RINT1: variants seen among roughly 807,000 people sequenced by gnomAD.
The protein encoded by RINT1 is RAD50-interacting protein 1.
A neutral mutation model predicts 97.7 loss-of-function variants in RINT1; 75 were observed. That is an observed-to-expected ratio of 0.77 (90% CI 0.64 to 0.93). The LOEUF (loss-of-function observed/expected upper bound fraction) is 0.93, where lower values mean the gene tolerates loss of function less well. RINT1 is among the 40% of genes least tolerant of loss of function. RINT1 has a pLI of 0.00. For synonymous variants in RINT1, 303 were observed against 326.3 expected (o/e 0.93, Z 0.77); for missense variants, 892 against 925.2 (o/e 0.96, Z 0.47).
intron 7 of RINT1, 82 bp from the exon 8 acceptor site, chr7:105,549,973 T>C: frequency 2.4e-6 from 2 of 849,468 alleles, no homozygotes; most frequent in Non-Finnish European, 1.9e-6. Context: ...GTGTTGTGCA[T>C]ATACAATTAA....
chr7:105,567,422 G>GAA lies in RINT1; in HGVS notation c.*112_*113dup. 1.3e-6 allele frequency: 1 copy of GAA among 782,422 alleles called. No homozygotes were observed. Among genetic ancestry groups the GAA allele is most frequent in the Non-Finnish European group, 2.2e-6 (1 of 462,920 alleles). 48.5% of individuals were successfully genotyped at this position (782,422 alleles called of 1,614,324 possible). A position where few individuals can be genotyped will look rare whatever the true frequency, so the allele number is the denominator to read the frequency against. On this transcript the variant is annotated 3_prime_UTR_variant, in exon 15 of 15. Transcript: ENST00000257700. ...ATTAATGAAACTGGAAAACTTTATAGAATTACTTATTATCTTGGATTTATG... is the reference window on the plus strand; with the variant it reads ...ATTAATGAAACTGGAAAACTTTATAGAAAATTACTTATTATCTTGGATTTATG...
Position 105,555,141 on chromosome 7 carries a change from A to C in RINT1, c.1585A>C (p.Arg529=), listed in dbSNP as rs1018708460. Residue 529 remains arginine (R), a synonymous_variant, in exon 11 of 15, where the codon AGA becomes CGA. Transcript: ENST00000257700. The stretch of plus-strand genomic sequence containing the variant: ...AACACAAGTGATGAAAGAAGAGACT[A>C]GAGCTTCCCTTGGCTTTCGATACTG... The part of the protein sequence containing the change: ...RLTQVMKEET[R]ASLGFRYCAI... The C allele has an allele frequency of 8.1e-6, 13 of 1,613,344 alleles. No individual in the cohort carries two copies. Among genetic ancestry groups the C allele is most frequent in the Admixed American group, 1.7e-5 (1 of 60,006 alleles).
rs759423587 is a variant in RINT1 at position 105,563,799 on chromosome 7, C to T, written c.1738C>T (p.Gln580Ter). The change falls in exon 12 of 15, where the codon CAG becomes TAG. Residue 580 changes from glutamine (Q) to a stop codon, truncating the protein, a stop_gained. Coordinates refer to ENST00000257700, the MANE Select transcript of RINT1 (RefSeq NM_021930.6). LOFTEE classifies it high-confidence loss of function. ...FAENNTLSKL[Q>*]LGQLASMESS... is the part of the protein sequence containing the mutation. Reference sequence around the variant, plus strand: ...AGAGAATAATACTCTGAGTAAATTGCAGCTAGGACAGCTAGCCTCTATGGA... The same window carrying T: ...AGAGAATAATACTCTGAGTAAATTGTAGCTAGGACAGCTAGCCTCTATGGA... The T allele has an allele frequency of 1.2e-6, 2 of 1,614,128 alleles. No individual in the cohort carries two copies. Among genetic ancestry groups the T allele is most frequent in the Non-Finnish European group, 1.7e-6 (2 of 1,179,990 alleles).
At position 105,563,748 on chromosome 7, in the gene RINT1, C is replaced by T; in HGVS notation, c.1687C>T (p.Gln563Ter). 1 of 1,613,024 alleles carries T rather than the reference C, an allele frequency of 6.2e-7. No individual in the cohort carries two copies. Among genetic ancestry groups the T allele is most frequent in the Non-Finnish European group, 8.5e-7 (1 of 1,179,502 alleles). The change falls in exon 12 of 15, where the codon CAA becomes TAA. Residue 563 changes from glutamine (Q) to a stop codon, truncating the protein, a stop_gained. Coordinates refer to ENST00000257700, the MANE Select transcript of RINT1 (RefSeq NM_021930.6). LOFTEE classifies it high-confidence loss of function. ...TTGCTTTCAGTTCTTTCTACAACTT[C>T]AACAGGCTGCACTGGAGGTGTTTGC... ...WADNVFFLQL[Q>*]QAALEVFAEN...
chr7:105,556,421 A>G (rs1001070473), intron 11 of RINT1, among the ~76,000 whole-genome samples: 5 of 151,748 alleles, frequency 3.3e-5, no homozygotes, highest in African/African-American at 1.2e-4. Flanking sequence ...CTGCCCCCCA[A>G]TACTTGATTA....
In RINT1 at chr7:105,567,155, C is replaced by T. The variant is rs200305797; in HGVS notation, c.2223C>T (p.Val741=). The change falls in exon 15 of 15, where the codon GTC becomes GTT. Residue 741 remains valine, a synonymous_variant. Transcript: ENST00000257700. ...CCTGTATTGTTTTGAATTTGAACGTCGGTTCTGCACTACTGCTGAAAGATG... is the reference window on the plus strand; with the variant it reads ...CCTGTATTGTTTTGAATTTGAACGTTGGTTCTGCACTACTGCTGAAAGATG... The part of the protein sequence containing the change: ...KEACIVLNLN[V]GSALLLKDVL... The T allele has an allele frequency of 3.8e-6, 6 of 1,584,924 alleles. No individual in the cohort carries two copies. Among genetic ancestry groups the T allele is most frequent in the Admixed American group, 1.9e-5 (1 of 51,614 alleles).
At chr7:105,538,234 G>T (rs1283241513) in intron 3 of RINT1, among the ~76,000 whole-genome samples, 1 of 152,040 alleles carries the variant, frequency 6.6e-6, no homozygotes, top group African/African-American at 2.4e-5. Flanking sequence ...CTCGTGATCC[G>T]CCTGCCTTGG....
At position 105,565,605 on chromosome 7, in the gene RINT1, T is replaced by C. The variant is rs566796840; in HGVS notation, c.2143T>C (p.Leu715=). Residue 715 remains leucine, a synonymous_variant, in exon 14 of 15, where the codon TTG becomes CTG. Coordinates refer to ENST00000257700, the MANE Select transcript of RINT1 (RefSeq NM_021930.6). ...QFDMTRNLFP[L]FSHYCKRPEN... ...TGATATGACTCGGAATCTTTTCCCTTTGTTTTCTCACTATTGCAAGAGACC... is the reference window on the plus strand; with the variant it reads ...TGATATGACTCGGAATCTTTTCCCTCTGTTTTCTCACTATTGCAAGAGACC... 2.9e-5 allele frequency: 46 copies of C among 1,613,846 alleles called. No homozygotes were observed. The South Asian group carries it at 4.7e-4, about 17-fold the overall frequency.
At chr7:105,538,024 ACT>A (rs1037647738) in intron 3 of RINT1, among the ~76,000 whole-genome samples, 5 of 151,584 alleles carry the variant, frequency 3.3e-5, no homozygotes, top group Middle Eastern at 3.4e-3. Flanking sequence ...ACGGAGTCTG[ACT>A]CTGTCGCCCA....
In RINT1 at chr7:105,556,136, G is replaced by A. The variant is rs549393328; in HGVS notation, c.1671+909G>A. Among the ~76,000 whole-genome samples, 4 of 150,354 alleles carry A rather than the reference G, an allele frequency of 2.7e-5. No individual in the cohort carries two copies. The South Asian group carries it at 8.5e-4, about 32-fold the overall frequency. ...GGCTGGAGTGCAATGGTGCGATCTC[G>A]GCTCACTGCAACCTCTGTCTCCTGG... is the stretch of plus-strand genomic sequence containing the variant. On this transcript the variant is annotated intron_variant, in intron 11 of 14. Coordinates refer to ENST00000257700, the MANE Select transcript of RINT1 (RefSeq NM_021930.6).
chr7:105,563,725 G>T lies in RINT1; in HGVS notation c.1672-8G>T, dbSNP rs1215782203. 4 of 1,602,268 alleles carry T rather than the reference G, an allele frequency of 2.5e-6. No homozygotes were observed. Among genetic ancestry groups the T allele is most frequent in the Admixed American group, 3.5e-5 (2 of 57,732 alleles). On this transcript the variant is annotated splice_region_variant and splice_polypyrimidine_tract_variant and intron_variant, in intron 11 of 14. Transcript: ENST00000257700. ...TATGCTAATGTGTTAACATGTTTTT[G>T]CTTTCAGTTCTTTCTACAACTTCAA...
intron 4 of RINT1, among the ~76,000 whole-genome samples, chr7:105,543,981 T>G (rs1477619218): frequency 6.6e-6 from 1 of 151,482 alleles, no homozygotes; most frequent in Non-Finnish European, 1.5e-5. Context: ...GTGCCTGTAA[T>G]CCCAGCTACT....
intron 3 of RINT1, among the ~76,000 whole-genome samples, chr7:105,538,560 C>A (rs1790334999): frequency 6.6e-6 from 1 of 152,180 alleles, no homozygotes; most frequent in African/African-American, 2.4e-5. Context: ...TGTGGTCTGC[C>A]ACCCTGGCTG....
At chr7:105,549,616 T>C (rs1157188078) in intron 7 of RINT1, among the ~76,000 whole-genome samples, 1 of 152,202 alleles carries the variant, frequency 6.6e-6, no homozygotes, top group Non-Finnish European at 1.5e-5. Flanking sequence ...CCCAAAGTGC[T>C]GGGATTACAG....
chr7:105,561,463 A>G (rs1448683004), intron 11 of RINT1, among the ~76,000 whole-genome samples: 2 of 152,008 alleles, frequency 1.3e-5, no homozygotes, highest in Non-Finnish European at 2.9e-5. Context: ...GGGAGGGGAG[A>G]TTGCAGTAAG....
At chr7:105,542,740 A>T in intron 4 of RINT1, 91 bp downstream of exon 4, 1 of 1,252,026 alleles carries the variant, frequency 8.0e-7, no homozygotes. Context: ...TAATTGAGTT[A>T]ATTAAAGATT....
rs754512408 is a variant in RINT1 at position 105,542,566 on chromosome 7, T to C, written c.432T>C (p.Asp144=). The change falls in exon 4 of 15, where the codon GAT becomes GAC. Residue 144 remains aspartate (D), a synonymous_variant. Transcript: ENST00000257700. ...HLLTAQPWMD[D]LGTMISQIEE... ...TGACTGCGCAACCTTGGATGGACGA[T>C]CTTGGAACCATGATTAGCCAGATTG... 30 of 1,614,012 alleles carry C rather than the reference T, an allele frequency of 1.9e-5. No individual in the cohort carries two copies. The Admixed American group carries it at 2.7e-4, about 14-fold the overall frequency.
At position 105,547,341 on chromosome 7, in the gene RINT1, T is replaced by TGTA; in HGVS notation, c.839+10_839+11insAGT. On this transcript the variant is annotated intron_variant, in intron 6 of 14. Transcript: ENST00000257700. Reference sequence around the variant, plus strand: ...TTTGAAACTACAAACCTCGTATCTTTGTTGCAGCTGAAAACTTACTAAAAT... The same window carrying TGTA: ...TTTGAAACTACAAACCTCGTATCTTTGTAGTTGCAGCTGAAAACTTACTAAAAT... The TGTA allele has an allele frequency of 6.2e-7, 1 of 1,612,702 alleles. No individual in the cohort carries two copies. Among genetic ancestry groups the TGTA allele is most frequent in the Non-Finnish European group, 8.5e-7 (1 of 1,179,400 alleles).
Position 105,547,094 on chromosome 7 carries a change from T to C in RINT1, c.689+11T>C, listed in dbSNP as rs768286444. 7 of 1,613,474 alleles carry C rather than the reference T, an allele frequency of 4.3e-6. No individual in the cohort carries two copies. Among genetic ancestry groups the C allele is most frequent in the Non-Finnish European group, 5.9e-6 (7 of 1,179,562 alleles). The stretch of plus-strand genomic sequence containing the variant: ...GGACAAGCTTACAAGGTAGGGAATT[T>C]ACCCATATTTTGTGGTAATTGCTTT... On this transcript the variant is annotated intron_variant, in intron 5 of 14. Coordinates refer to ENST00000257700, the MANE Select transcript of RINT1 (RefSeq NM_021930.6).
Sources: allele counts gnomAD v4.1 joint callset (sites outside exome capture counted in the v4.1 genomes callset), GRCh38; gene constraint gnomAD v4.1.1; transcripts MANE v1.5; gene names NCBI Gene and HGNC (gene_info 2026-07-23, HGNC 2026-07-21).